GNAL: variants seen among roughly 807,000 people sequenced by gnomAD.
GNAL encodes the protein guanine nucleotide-binding protein G(olf) subunit alpha.
A neutral mutation model predicts 55.1 loss-of-function variants in GNAL; 18 were observed. The observed-to-expected ratio is 0.33, with a 90% confidence interval of 0.23 to 0.48. The LOEUF is 0.48. Among genes scored for constraint, GNAL ranks in the 20% least tolerant of loss-of-function variants. The pLI, the probability that GNAL is intolerant of heterozygous loss-of-function variation, is 0.99. For synonymous variants in GNAL, 253 were observed against 237.0 expected, an observed-to-expected ratio of 1.07 and a Z score of -0.62; for missense variants, 412 against 614.1, an observed-to-expected ratio of 0.67 and a Z score of 3.48.
At chr18:11,804,193 C>A (rs2034599905) in intron 4 of GNAL, among the ~76,000 whole-genome samples, 1 of 115,880 alleles carries the variant, frequency 8.6e-6, no homozygotes. Context: ...AGTACAGGTG[C>A]GGTTTGGATG....
Position 11,858,266 on chromosome 18 carries a change from A to G in GNAL, c.723-4129A>G, listed in dbSNP as rs1281385701. Among the ~76,000 whole-genome samples the G allele has an allele frequency of 4.6e-5, 7 of 152,164 alleles. No homozygotes were observed. The East Asian group carries it at 1.3e-3, about 29-fold the overall frequency. ...AGCTGTCACAGGAAATAATGAAAAA[A>G]AAATCAGAGTAAATTTCTTTTTAAC... On this transcript the variant is annotated intron_variant, in intron 5 of 11. Transcript: ENST00000334049.
chr18:11,873,667 A>G (rs1474253445), intron 10 of GNAL, among the ~76,000 whole-genome samples: 1 of 152,234 alleles, frequency 6.6e-6, no homozygotes, highest in Non-Finnish European at 1.5e-5. Flanking sequence ...CCGCAGCCTG[A>G]TGATGTGCTT....
At chr18:11,718,467 A>G (rs557415394) in intron 1 of GNAL, among the ~76,000 whole-genome samples, 138 of 152,248 alleles carry the variant, frequency 9.1e-4, no homozygotes, top group African/African-American at 3.2e-3. Flanking sequence ...AATATAATGC[A>G]CCGTTTATTT....
chr18:11,885,107 C>A lies in GNAL; in HGVS notation c.*3972C>A. On this transcript the variant is annotated 3_prime_UTR_variant, in exon 12 of 12. Coordinates refer to ENST00000334049, the MANE Select transcript of GNAL (RefSeq NM_182978.4). ...TCTTTGCAGATACTTTTATGTGGAA[C>A]AACAGTGGCAAATGTTTTCATTTAC... 8.7e-7 allele frequency: 1 copy of A among 1,152,602 alleles called. No individual in the cohort carries two copies. The highest frequency in any genetic ancestry group is 1.1e-6 in the Non-Finnish European group (1 of 890,948). The allele number at this position is 1,152,602 out of a possible 1,614,324, so 71.4% of individuals were successfully genotyped here.
At chr18:11,816,788 T>C (rs1238131797) in intron 4 of GNAL, among the ~76,000 whole-genome samples, 1 of 147,042 alleles carries the variant, frequency 6.8e-6, no homozygotes, top group Non-Finnish European at 1.5e-5. Context: ...CACTCCAACC[T>C]GGGCGACAGA....
At chr18:11,793,376 G>A (rs533033545) in intron 4 of GNAL, among the ~76,000 whole-genome samples, 3 of 152,198 alleles carry the variant, frequency 2.0e-5, no homozygotes, top group African/African-American at 7.2e-5. Flanking sequence ...AGGAGTTTGA[G>A]ACCAGCCTTG....
chr18:11,835,946 A>C (rs1477175176), intron 5 of GNAL, among the ~76,000 whole-genome samples: 1 of 152,106 alleles, frequency 6.6e-6, no homozygotes, highest in Non-Finnish European at 1.5e-5. Flanking sequence ...AAAGTTTGAG[A>C]CCAGCCTGGG....
At chr18:11,783,528 G>A (rs2033978241) in intron 4 of GNAL, among the ~76,000 whole-genome samples, 1 of 152,278 alleles carries the variant, frequency 6.6e-6, no homozygotes, top group African/African-American at 2.4e-5. Flanking sequence ...ACACTTAACT[G>A]TGGTGAGACT....
Position 11,771,501 on chromosome 18 carries a change from G to A in GNAL, c.624+17556G>A, listed in dbSNP as rs546836541. Reference sequence around the variant, plus strand: ...ACTAAGCTGAATTGTGTACACCCACGGGAATTCTCACAGGGCTCACAGAGC... The same window carrying A: ...ACTAAGCTGAATTGTGTACACCCACAGGAATTCTCACAGGGCTCACAGAGC... On this transcript the variant is annotated intron_variant, in intron 4 of 11. Transcript: ENST00000334049. Among the ~76,000 whole-genome samples, 16 of 152,204 alleles carry A rather than the reference G, an allele frequency of 1.1e-4. No homozygotes were observed. The South Asian group carries it at 2.3e-3, about 22-fold the overall frequency.
chr18:11,749,259 C>A (rs2032761404), intron 1 of GNAL, among the ~76,000 whole-genome samples: 1 of 151,944 alleles, frequency 6.6e-6, no homozygotes, highest in Non-Finnish European at 1.5e-5. Context: ...GGAAACTGTG[C>A]TAAACAGTCT....
At chr18:11,796,394 G>A (rs1021983237) in intron 4 of GNAL, among the ~76,000 whole-genome samples, 22 of 151,976 alleles carry the variant, frequency 1.4e-4, no homozygotes, top group African/African-American at 5.1e-4. Context: ...TGGCTAACAC[G>A]GTGAAACCCC....
chr18:11,762,189 G>A (rs74788483), intron 4 of GNAL, among the ~76,000 whole-genome samples: 1,630 of 152,326 alleles, frequency 0.011, 21 homozygotes, highest in African/African-American at 0.025. Flanking sequence ...AGTAGTTGGC[G>A]AAGATGGAAC....
chr18:11,717,271 C>T (rs1056384777), intron 1 of GNAL, among the ~76,000 whole-genome samples: 1 of 152,202 alleles, frequency 6.6e-6, no homozygotes, highest in Non-Finnish European at 1.5e-5. Context: ...CGGCACCTCT[C>T]CCTCCCCGCC....
rs200165731 is a variant in GNAL at position 11,884,617 on chromosome 18, G to A, written c.*3482G>A. On this transcript the variant is annotated 3_prime_UTR_variant, in exon 12 of 12. Transcript: ENST00000334049. ...CTTGGAGAGGGTGTAGTCTGTGGGC[G>A]TGATGCTACCCTGGAAAGGAGAAGG... 96 of 1,613,592 alleles carry A rather than the reference G, an allele frequency of 5.9e-5. No homozygotes were observed. The highest frequency in any genetic ancestry group is 7.3e-5 in the Non-Finnish European group (86 of 1,179,928).
intron 1 of GNAL, chr18:11,701,927 G>A (rs1429286935): frequency 6.6e-6 from 1 of 151,416 alleles, no homozygotes; most frequent in Admixed American, 6.6e-5. Context: ...TCTGTAAATC[G>A]GCATAAAGAA....
intron 5 of GNAL, among the ~76,000 whole-genome samples, chr18:11,835,894 C>T (rs2035487668): frequency 6.6e-6 from 1 of 152,186 alleles, no homozygotes; most frequent in African/African-American, 2.4e-5. Flanking sequence ...TCTGTAATCC[C>T]AGCACTTTGG....
At chr18:11,850,182 G>A (rs1031641947) in intron 5 of GNAL, among the ~76,000 whole-genome samples, 1 of 152,292 alleles carries the variant, frequency 6.6e-6, no homozygotes, top group Admixed American at 6.5e-5. Context: ...TCCATGCTGC[G>A]GTTTGCTTTG....
chr18:11,788,907 A>AC (rs200812437), intron 4 of GNAL, among the ~76,000 whole-genome samples: 1 of 87,664 alleles, frequency 1.1e-5, no homozygotes, highest in Non-Finnish European at 2.2e-5. Context: ...GAAAAAAAAA[A>AC]AAAAAAAATA....
At chr18:11,765,454 T>C (rs2033374495) in intron 4 of GNAL, among the ~76,000 whole-genome samples, 1 of 152,236 alleles carries the variant, frequency 6.6e-6, no homozygotes, top group African/African-American at 2.4e-5. Flanking sequence ...TTTTGAAATA[T>C]ACAATAAATT....
Sources: allele counts gnomAD v4.1 joint callset (sites outside exome capture counted in the v4.1 genomes callset), GRCh38; gene constraint gnomAD v4.1.1; transcripts MANE v1.5; gene names NCBI Gene and HGNC (gene_info 2026-07-23, HGNC 2026-07-21).